ABHD18: variants seen among roughly 807,000 people sequenced by gnomAD.
ABHD18 encodes cardiolipin-specific deacylase, mitochondrial.
Under a neutral mutation model 65.9 loss-of-function variants are expected in ABHD18, and 55 were observed. That is an observed-to-expected ratio of 0.84 (90% CI 0.67 to 1.05). The LOEUF is 1.05. Among genes scored for constraint, ABHD18 ranks in the 50% least tolerant of loss-of-function variants. ABHD18 has a pLI of 0.00. For missense variants in ABHD18, 533 were observed against 558.5 expected (o/e 0.95, Z 0.46); for synonymous variants, 181 against 180.2 (o/e 1.00, Z -0.04).
intron 1 of ABHD18, chr4:127,965,925 A>G (rs1425904721): frequency 2.0e-5 from 3 of 152,400 alleles, no homozygotes; most frequent in Non-Finnish European, 4.4e-5. Context: ...CCAGGACTGA[A>G]GGTGGGATCT....
intron 1 of ABHD18, among the ~76,000 whole-genome samples, chr4:127,981,224 C>A (rs896183445): frequency 5.9e-5 from 9 of 152,238 alleles, no homozygotes; most frequent in African/African-American, 2.2e-4. Context: ...GTATATTCCA[C>A]GTATGATATT....
chr4:128,035,895 C>A lies in ABHD18; in HGVS notation c.*82C>A. On this transcript the variant is annotated 3_prime_UTR_variant, in exon 13 of 13. Transcript: ENST00000645843. ...ATCCTGTGATCATGTGAAGGACAAG[C>A]AGACAGCACTAATATATCTAATCGC... The A allele has an allele frequency of 1.3e-6, 1 of 781,398 alleles. No individual in the cohort carries two copies. The highest frequency in any genetic ancestry group is 2.0e-6 in the Non-Finnish European group (1 of 493,442). 48.4% of individuals were successfully genotyped at this position (781,398 alleles called of 1,614,324 possible).
chr4:127,995,175 C>T (rs185255849), intron 4 of ABHD18, among the ~76,000 whole-genome samples: 10 of 152,322 alleles, frequency 6.6e-5, no homozygotes, highest in African/African-American at 9.6e-5. Flanking sequence ...CCACTTGGCC[C>T]GGCCAGGCAC....
chr4:127,993,302 C>T lies in ABHD18; in HGVS notation c.278+3481C>T, dbSNP rs1165409511. Among the ~76,000 whole-genome samples, 32 of 152,180 alleles carry T rather than the reference C, an allele frequency of 2.1e-4. No individual in the cohort carries two copies. In the East Asian group the frequency reaches 6.2e-3, roughly 29 times the overall value. On this transcript the variant is annotated intron_variant, in intron 4 of 12. Coordinates refer to ENST00000645843, the MANE Select transcript of ABHD18 (RefSeq NM_001358451.3). ...GTGCTTTTACTCAGACTCAGAAATA[C>T]TCCTCAACATCTGTTGGAAATTGAG...
intron 7 of ABHD18, among the ~76,000 whole-genome samples, chr4:128,014,456 A>G (rs1438039727): frequency 6.6e-6 from 1 of 152,186 alleles, no homozygotes; most frequent in Non-Finnish European, 1.5e-5. Flanking sequence ...TGGAATTGTA[A>G]CATTTGTTTA....
At chr4:127,997,152 G>C (rs1483885783) in intron 4 of ABHD18, among the ~76,000 whole-genome samples, 1 of 152,218 alleles carries the variant, frequency 6.6e-6, no homozygotes, top group Non-Finnish European at 1.5e-5. Context: ...AGTAAAGGCA[G>C]GTGTAAGAAA....
intron 7 of ABHD18, among the ~76,000 whole-genome samples, chr4:128,015,372 A>G (rs1372786108): frequency 2.0e-5 from 3 of 152,224 alleles, no homozygotes; most frequent in Non-Finnish European, 2.9e-5. Flanking sequence ...GACCGAGTCT[A>G]CTATTATAAA....
chr4:127,973,588 A>G (rs1215206973), intron 1 of ABHD18, among the ~76,000 whole-genome samples: 5 of 152,110 alleles, frequency 3.3e-5, no homozygotes, highest in Non-Finnish European at 5.9e-5. Flanking sequence ...GTTTGGGCAG[A>G]ACCCATGATT....
intron 10 of ABHD18, among the ~76,000 whole-genome samples, chr4:128,023,402 AC>A (rs903065335): frequency 3.8e-5 from 3 of 78,128 alleles, no homozygotes; most frequent in African/African-American, 1.1e-4. Flanking sequence ...TCTTGTCTCT[AC>A]AAAAAAAAAA....
chr4:128,018,555 C>T (rs867099574), intron 8 of ABHD18, among the ~76,000 whole-genome samples: 3 of 152,122 alleles, frequency 2.0e-5, no homozygotes, highest in African/African-American at 7.2e-5. Context: ...GGGAGGATCA[C>T]TTGAGCCCCA....
At chr4:127,973,817 CAAA>C (rs57170719) in intron 1 of ABHD18, among the ~76,000 whole-genome samples, 2 of 16,610 alleles carry the variant, frequency 1.2e-4, no homozygotes, top group African/African-American at 1.7e-4. Context: ...TGATGAACAG[CAAA>C]AAAAAAAAAA....
chr4:127,979,682 G>A (rs973470970), intron 1 of ABHD18, among the ~76,000 whole-genome samples: 17 of 152,124 alleles, frequency 1.1e-4, no homozygotes, highest in East Asian at 1.9e-4. Context: ...TTGGGAGGCC[G>A]AGGCGGGTGG....
rs1377349624 is a variant in ABHD18, at chr4:128,036,457, G to GT, written c.*645dup. ...TTTAATAATCAAAGTGAGTGGCAGGGTGCGGTGGCTCACGCCTGTAATCCC... is the reference window on the plus strand; with the variant it reads ...TTTAATAATCAAAGTGAGTGGCAGGGTTGCGGTGGCTCACGCCTGTAATCCC... On this transcript the variant is annotated 3_prime_UTR_variant, in exon 13 of 13. Coordinates refer to ENST00000645843, the MANE Select transcript of ABHD18 (RefSeq NM_001358451.3). 1.3e-5 allele frequency: 2 copies of GT among 152,234 alleles called. No homozygotes were observed. The highest frequency in any genetic ancestry group is 4.8e-5 in the African/African-American group (2 of 41,446). The allele number at this position is 152,234 out of a possible 1,614,324, so 9.4% of individuals were successfully genotyped here. A position where few individuals can be genotyped will look rare whatever the true frequency, so the allele number is the denominator to read the frequency against.
At chr4:128,024,197 G>A (rs1392117224) in intron 10 of ABHD18, among the ~76,000 whole-genome samples, 1 of 152,182 alleles carries the variant, frequency 6.6e-6, no homozygotes, top group Non-Finnish European at 1.5e-5. Flanking sequence ...AAGGCATAAG[G>A]GCAAGAGAGA....
intron 1 of ABHD18, among the ~76,000 whole-genome samples, chr4:127,979,891 G>C (rs1748682016): frequency 2.9e-5 from 4 of 138,224 alleles, no homozygotes. Context: ...ACTCCAGCCT[G>C]AGCGACAGAG....
intron 2 of ABHD18, among the ~76,000 whole-genome samples, chr4:127,983,922 C>T (rs1749504521): frequency 6.6e-6 from 1 of 151,562 alleles, no homozygotes; most frequent in Admixed American, 6.6e-5. Context: ...GCCTGTAATC[C>T]CAGCTACTCG....
intron 4 of ABHD18, among the ~76,000 whole-genome samples, chr4:128,006,841 T>C (rs1188578612): frequency 1.3e-5 from 2 of 152,284 alleles, no homozygotes; most frequent in South Asian, 4.1e-4. Context: ...TCACAGTTAT[T>C]TGGGAGGCCA....
chr4:127,991,663 A>G (rs1194444373), intron 4 of ABHD18, among the ~76,000 whole-genome samples: 2 of 152,246 alleles, frequency 1.3e-5, no homozygotes. Context: ...CACTGTTGAT[A>G]ATAAACTATT....
chr4:128,012,308 G>A (rs1754716944), intron 7 of ABHD18, among the ~76,000 whole-genome samples: 1 of 152,024 alleles, frequency 6.6e-6, no homozygotes, highest in African/African-American at 2.4e-5. Flanking sequence ...CATTTACTTT[G>A]TGTAATTAGA....
Sources: gnomAD v4.1 joint callset for allele counts (sites outside exome capture counted in the v4.1 genomes callset) on GRCh38, gnomAD v4.1.1 for gene constraint, MANE v1.5 for transcripts, NCBI Gene and HGNC (gene_info 2026-07-23, HGNC 2026-07-21) for gene names.